The following ATG10 variants were observed in gnomAD, a reference collection of about 807,000 sequenced individuals.
ATG10 encodes the protein ubiquitin-like-conjugating enzyme ATG10.
Under a neutral mutation model 32.1 loss-of-function variants are expected in ATG10, and 30 were observed. That is an observed-to-expected ratio of 0.94 (90% CI 0.70 to 1.27). The LOEUF is 1.27. ATG10 is among the 50% of genes most tolerant of loss of function. ATG10 has a pLI of 0.00. For synonymous variants in ATG10, 87 were observed against 91.5 expected (o/e 0.95, Z 0.28); for missense variants, 233 against 262.3 (o/e 0.89, Z 0.77).
At chr5:82,163,560 C>T (rs1466404443) in intron 3 of ATG10, among the ~76,000 whole-genome samples, 1 of 152,196 alleles carries the variant, frequency 6.6e-6, no homozygotes, top group South Asian at 2.1e-4. Context: ...TGCTTCATTC[C>T]TTCTAGTACT....
intron 3 of ATG10, among the ~76,000 whole-genome samples, chr5:82,131,880 G>A (rs1766551096): frequency 6.6e-6 from 1 of 152,064 alleles, no homozygotes; most frequent in African/African-American, 2.4e-5. Flanking sequence ...TCTGGGATAG[G>A]GGAGGGTGTC....
intron 3 of ATG10, 73 bp from the exon 4 acceptor site, chr5:82,164,319 AAAATCTC>A: frequency 1.5e-6 from 2 of 1,353,208 alleles, no homozygotes; most frequent in Non-Finnish European, 2.1e-6. Flanking sequence ...TTGTGAGAAG[AAAATCTC>A]CTCTTTTCCT....
At chr5:82,006,534 G>C (rs1055370396) in intron 2 of ATG10, among the ~76,000 whole-genome samples, 1 of 151,918 alleles carries the variant, frequency 6.6e-6, no homozygotes, top group African/African-American at 2.4e-5. Flanking sequence ...CAAATTATAG[G>C]CTGTTCATGT....
intron 3 of ATG10, among the ~76,000 whole-genome samples, chr5:82,123,851 AC>A (rs549393119): frequency 2.3e-3 from 342 of 151,618 alleles, no homozygotes; most frequent in Admixed American, 5.2e-3. Context: ...TGAGAGGATC[AC>A]TTGGGCCTAG....
At chr5:82,167,445 G>A (rs969920615) in intron 4 of ATG10, among the ~76,000 whole-genome samples, 5 of 152,106 alleles carry the variant, frequency 3.3e-5, no homozygotes, top group South Asian at 2.1e-4. Context: ...TAAGTGAAAC[G>A]ATAAAGAAGA....
chr5:82,104,158 A>T (rs558223159), intron 3 of ATG10, among the ~76,000 whole-genome samples: 1 of 152,078 alleles, frequency 6.6e-6, no homozygotes, highest in South Asian at 2.1e-4. Flanking sequence ...ACATTCTTAT[A>T]TATCTTTTTT....
chr5:82,195,348 A>G (rs1744813077), intron 5 of ATG10, among the ~76,000 whole-genome samples: 1 of 152,222 alleles, frequency 6.6e-6, no homozygotes, highest in African/African-American at 2.4e-5. Context: ...GAAGTATAGC[A>G]TAACCAACCA....
intron 4 of ATG10, among the ~76,000 whole-genome samples, chr5:82,166,156 T>C (rs1221001055): frequency 6.6e-6 from 1 of 152,226 alleles, no homozygotes; most frequent in Non-Finnish European, 1.5e-5. Flanking sequence ...AGTCCAATTA[T>C]ATTTTAATGA....
chr5:82,186,447 C>T (rs947117469), intron 5 of ATG10, among the ~76,000 whole-genome samples: 5 of 152,068 alleles, frequency 3.3e-5, no homozygotes, highest in Non-Finnish European at 7.4e-5. Context: ...TTGGTATCTT[C>T]GAGTAATAAT....
chr5:82,037,129 CAAA>C (rs1159037400), intron 2 of ATG10, among the ~76,000 whole-genome samples: 1 of 25,800 alleles, frequency 3.9e-5, no homozygotes, highest in Non-Finnish European at 7.3e-5. Flanking sequence ...GACTCTGTCT[CAAA>C]AAAAAAAAAA....
At chr5:82,112,897 A>C (rs1273319289) in intron 3 of ATG10, among the ~76,000 whole-genome samples, 2 of 152,044 alleles carry the variant, frequency 1.3e-5, no homozygotes, top group African/African-American at 4.8e-5. Flanking sequence ...AATTGGTATC[A>C]GCCTTGGGAT....
intron 2 of ATG10, among the ~76,000 whole-genome samples, chr5:82,035,638 A>G (rs1762895813): frequency 6.6e-6 from 1 of 151,616 alleles, no homozygotes; most frequent in Admixed American, 6.6e-5. Context: ...ATATTTTTAT[A>G]TGCGTATTGG....
intron 2 of ATG10, among the ~76,000 whole-genome samples, chr5:81,991,709 C>T (rs1013831210): frequency 2.8e-4 from 43 of 151,582 alleles, no homozygotes; most frequent in African/African-American, 8.0e-4. Flanking sequence ...GCAGGAGAGT[C>T]GCTTGAACCT....
At chr5:82,044,377 G>T (rs944757898) in intron 2 of ATG10, among the ~76,000 whole-genome samples, 2 of 152,088 alleles carry the variant, frequency 1.3e-5, no homozygotes, top group Non-Finnish European at 2.9e-5. Context: ...TGAGATTTGG[G>T]TGGAGACACA....
chr5:82,149,415 A>G (rs1309393187), intron 3 of ATG10, among the ~76,000 whole-genome samples: 1 of 152,046 alleles, frequency 6.6e-6, no homozygotes, highest in Admixed American at 6.6e-5. Flanking sequence ...ATTCTAACAC[A>G]TGGACCCCAA....
chr5:82,096,728 C>G (rs983983593), intron 3 of ATG10, among the ~76,000 whole-genome samples: 3 of 152,088 alleles, frequency 2.0e-5, no homozygotes, highest in Non-Finnish European at 2.9e-5. Context: ...GCATTTCATC[C>G]TAAAGCGAAA....
chr5:82,007,494 C>T (rs1335727950), intron 2 of ATG10, among the ~76,000 whole-genome samples: 1 of 151,966 alleles, frequency 6.6e-6, no homozygotes, highest in Non-Finnish European at 1.5e-5. Context: ...GCTCTGTCAC[C>T]CAGGCTGGAG....
chr5:82,194,984 A>C (rs1744797192), intron 5 of ATG10, among the ~76,000 whole-genome samples: 1 of 152,196 alleles, frequency 6.6e-6, no homozygotes, highest in Non-Finnish European at 1.5e-5. Flanking sequence ...CATGTACCAA[A>C]GTGGCTCAGG....
At chr5:82,073,445 G>A (rs376133279) in intron 3 of ATG10, 2 of 152,154 alleles carry the variant, frequency 1.3e-5, no homozygotes, top group African/African-American at 4.8e-5. Flanking sequence ...AGCAGGTGGT[G>A]TGGCATGGTT....
Sources: gnomAD v4.1 joint callset for allele counts (sites outside exome capture counted in the v4.1 genomes callset) on GRCh38, gnomAD v4.1.1 for gene constraint, MANE v1.5 for transcripts, NCBI Gene and HGNC (gene_info 2026-07-23, HGNC 2026-07-21) for gene names.